Variants in RBFOX1 observed in about 807,000 individuals in gnomAD.
RBFOX1 encodes the protein RNA binding fox-1 homolog 1, also known as RNA binding protein fox-1 homolog 1.
Under a neutral mutation model 57.7 loss-of-function variants are expected in RBFOX1, and 8 were observed. That is an observed-to-expected ratio of 0.14 (90% CI 0.08 to 0.25). The LOEUF is 0.25. Ranked by LOEUF, RBFOX1 falls within the 10% of genes least tolerant of loss-of-function variation. RBFOX1 has a pLI of 1.00. For synonymous variants in RBFOX1, 326 were observed against 222.4 expected (o/e 1.47, Z -4.15); for missense variants, 611 against 548.5 (o/e 1.11, Z -1.14).
chr16:6,854,140 C>G (rs117864557), intron 3 of RBFOX1, among the ~76,000 whole-genome samples: 1,798 of 152,244 alleles, frequency 0.012, 21 homozygotes, highest in Non-Finnish European at 0.019. Context: ...GTAAAAGCAA[C>G]TCAAAATATG....
At chr16:6,290,518 A>G (rs1014208184) in intron 1 of RBFOX1, among the ~76,000 whole-genome samples, 3 of 151,134 alleles carry the variant, frequency 2.0e-5, no homozygotes, top group Non-Finnish European at 4.4e-5. Context: ...GATTGTCATG[A>G]GGCATAGCAG....
At chr16:5,912,036 C>G (rs550911642) in intron 4 of RBFOX1, among the ~76,000 whole-genome samples, 1 of 152,274 alleles carries the variant, frequency 6.6e-6, no homozygotes, top group South Asian at 2.1e-4. Flanking sequence ...TCCACTGATT[C>G]ATCCATCCTC....
Position 6,060,122 on chromosome 16 carries a change from G to GTTTTTTTTTTTTTTTTTTTTT in RBFOX1, c.-127+40146_-127+40166dup, listed in dbSNP as rs199690584. Among the ~76,000 whole-genome samples the GTTTTTTTTTTTTTTTTTTTTT allele has an allele frequency of 5.7e-4, 65 of 114,188 alleles. 8 individuals are homozygous for GTTTTTTTTTTTTTTTTTTTTT. Among genetic ancestry groups the GTTTTTTTTTTTTTTTTTTTTT allele is most frequent in the African/African-American group, 1.1e-3 (30 of 27,748 alleles). The allele number at this position is 114,188 out of a possible 152,430, so 74.9% of individuals were successfully genotyped here. ...ATTTGGCCCTAAAATTAGGATTAGGGTTTTTTTTTTTTTTTTTTTTTTTTT... is the reference window on the plus strand; with the variant it reads ...ATTTGGCCCTAAAATTAGGATTAGGGTTTTTTTTTTTTTTTTTTTTTTTTTTTTTTTTTTTTTTTTTTTTTT... On this transcript the variant is annotated intron_variant, in intron 1 of 15. Coordinates refer to ENST00000550418, the MANE Select transcript of RBFOX1 (RefSeq NM_018723.4).
At chr16:6,120,094 G>T (rs1235725412) in intron 1 of RBFOX1, among the ~76,000 whole-genome samples, 7 of 152,160 alleles carry the variant, frequency 4.6e-5, no homozygotes, top group African/African-American at 1.7e-4. Flanking sequence ...TTGAAGTTGA[G>T]CCATGTGGTA....
intron 2 of RBFOX1, among the ~76,000 whole-genome samples, chr16:5,558,005 C>T (rs373750200): frequency 2.0e-5 from 3 of 152,118 alleles, no homozygotes; most frequent in Non-Finnish European, 4.4e-5. Flanking sequence ...GTCAGAGACT[C>T]GCCACTGGGC....
intron 3 of RBFOX1, among the ~76,000 whole-genome samples, chr16:6,859,149 ATATGTATATATATACGTATATATATG>A (rs2058501111): frequency 2.1e-5 from 2 of 93,364 alleles, no homozygotes; most frequent in African/African-American, 9.3e-5. Flanking sequence ...ACGTATATAT[ATATGTATATATATACGTATATATATG>A]TATATATATG....
intron 3 of RBFOX1, among the ~76,000 whole-genome samples, chr16:5,826,131 T>TATTCCTTAATATGAATAATGAATAA (rs1567592516): frequency 1.2e-5 from 1 of 86,004 alleles, no homozygotes; most frequent in Non-Finnish European, 2.5e-5. Flanking sequence ...ATAAGGAATA[T>TATTCCTTAATATGAATAATGAATAA]TATTCCTTAT....
At chr16:7,374,708 A>G (rs747878357) in intron 4 of RBFOX1, among the ~76,000 whole-genome samples, 4 of 152,220 alleles carry the variant, frequency 2.6e-5, no homozygotes, top group Non-Finnish European at 5.9e-5. Context: ...TTTGTCTTCA[A>G]CACGTACTCG....
intron 10 of RBFOX1, among the ~76,000 whole-genome samples, chr16:7,621,772 T>C (rs2059353322): frequency 6.6e-6 from 1 of 152,196 alleles, no homozygotes; most frequent in South Asian, 2.1e-4. Context: ...TGTTAGTATT[T>C]TTGCAAGCAG....
chr16:5,902,989 C>T (rs2058344210), intron 4 of RBFOX1, among the ~76,000 whole-genome samples: 1 of 152,086 alleles, frequency 6.6e-6, no homozygotes, highest in African/African-American at 2.4e-5. Context: ...TAAACTCCCC[C>T]ACCCTCAACA....
intron 4 of RBFOX1, among the ~76,000 whole-genome samples, chr16:5,871,037 G>A (rs1384640517): frequency 6.6e-6 from 1 of 152,210 alleles, no homozygotes; most frequent in Non-Finnish European, 1.5e-5. Flanking sequence ...CAGTGAATAT[G>A]TGAATAACGT....
rs1409503225 is a variant in RBFOX1 at position 6,019,718 on chromosome 16, G to A, written c.-401G>A. On this transcript the variant is annotated 5_prime_UTR_variant, in exon 1 of 16. Transcript: ENST00000550418. The surrounding 1 kb of genome is among the most constrained non-coding windows in gnomAD (Gnocchi z 4.2). The stretch of plus-strand genomic sequence containing the variant: ...TTGCCCAGGCAGAGAGAGCAGGAGC[G>A]GACCGCGCGCCCGGGATTGAGAGTC... 3.7e-6 allele frequency: 5 copies of A among 1,369,806 alleles called. No individual in the cohort carries two copies. Among genetic ancestry groups the A allele is most frequent in the South Asian group, 3.4e-5 (2 of 59,132 alleles). 84.9% of individuals were successfully genotyped at this position (1,369,806 alleles called of 1,614,324 possible). A position where few individuals can be genotyped will look rare whatever the true frequency, so the allele number is the denominator to read the frequency against.
At chr16:5,764,513 A>G (rs1006243698) in intron 3 of RBFOX1, among the ~76,000 whole-genome samples, 13 of 152,316 alleles carry the variant, frequency 8.5e-5, no homozygotes, top group African/African-American at 2.6e-4. Context: ...CTTTACAGCA[A>G]TGCAAGAATG....
intron 2 of RBFOX1, among the ~76,000 whole-genome samples, chr16:6,356,685 G>T (rs1388897816): frequency 6.6e-6 from 1 of 152,146 alleles, no homozygotes; most frequent in Non-Finnish European, 1.5e-5. Context: ...TACCATTACC[G>T]TGGTATCCTG....
intron 4 of RBFOX1, among the ~76,000 whole-genome samples, chr16:7,324,214 A>G (rs1173338020): frequency 2.0e-5 from 3 of 152,188 alleles, no homozygotes; most frequent in African/African-American, 7.2e-5. Flanking sequence ...GCAAGATGCC[A>G]GTCCAGCACA....
chr16:6,916,082 T>C (rs1157627033), intron 3 of RBFOX1, among the ~76,000 whole-genome samples: 1 of 152,122 alleles, frequency 6.6e-6, no homozygotes, highest in Non-Finnish European at 1.5e-5. Context: ...AGGGCTTATA[T>C]ACCTTAGGGA....
In RBFOX1 at chr16:6,085,522, C is replaced by T. The variant is rs376872991; in HGVS notation, c.-127+65530C>T. On this transcript the variant is annotated intron_variant, in intron 1 of 15. Coordinates refer to ENST00000550418, the MANE Select transcript of RBFOX1 (RefSeq NM_018723.4). The stretch of plus-strand genomic sequence containing the variant: ...CCGACTTCAGGTGATCTGCCCGCCT[C>T]GGCCTCCCGGTGTTGGGATTACAGG... 2.0e-3 allele frequency among the ~76,000 whole-genome samples: 302 copies of T among 152,316 alleles called. 1 individual carries two copies. The highest frequency in any genetic ancestry group is 7.1e-3 in the African/African-American group (295 of 41,578).
At chr16:7,120,826 T>C (rs1445530919) in intron 4 of RBFOX1, among the ~76,000 whole-genome samples, 10 of 35,480 alleles carry the variant, frequency 2.8e-4, no homozygotes, top group Non-Finnish European at 3.9e-4. Flanking sequence ...TATATATGTA[T>C]ATATACACAC....
intron 4 of RBFOX1, among the ~76,000 whole-genome samples, chr16:7,514,890 A>G (rs993653718): frequency 1.3e-5 from 2 of 152,202 alleles, no homozygotes; most frequent in African/African-American, 2.4e-5. Context: ...CCCCAGGGTT[A>G]TATATGTTCC....
Sources: gnomAD v4.1 joint callset for allele counts (sites outside exome capture counted in the v4.1 genomes callset) on GRCh38, gnomAD v4.1.1 for gene constraint, Gnocchi (gnomAD v3.1) non-coding constraint, MANE v1.5 for transcripts, NCBI Gene and HGNC (gene_info 2026-07-23, HGNC 2026-07-21) for gene names.